The following ADAP1 variants were observed in gnomAD, a reference collection of about 807,000 sequenced individuals.
ADAP1 encodes the protein arf-GAP with dual PH domain-containing protein 1.
ADAP1 carries 31 observed loss-of-function variants against 54.9 expected under a neutral mutation model. The observed-to-expected ratio is 0.56, with a 90% confidence interval of 0.42 to 0.76. The LOEUF is 0.76. Ranked by LOEUF, ADAP1 falls within the 30% of genes least tolerant of loss-of-function variation. ADAP1 has a pLI of 0.00. For synonymous variants in ADAP1, 313 were observed against 202.6 expected, an observed-to-expected ratio of 1.55 and a Z score of -4.63; for missense variants, 535 against 512.4, an observed-to-expected ratio of 1.04 and a Z score of -0.42.
rs565195654 is a variant in ADAP1, at chr7:926,823, C to G, written c.214-179G>C. ...CCCAGGGACACCATTTCTGAGTGAT[C>G]GACCCTCCCCTGGGACAGGGAAGGA... On this transcript the variant is annotated intron_variant, in intron 2 of 10. Coordinates refer to ENST00000265846, the MANE Select transcript of ADAP1 (RefSeq NM_006869.4). This position sits in a 1 kb window ranked among gnomAD's most constrained non-coding sequence, Gnocchi z 4.6. The G allele has an allele frequency of 8.1e-6, 6 of 741,554 alleles. No homozygotes were observed. The East Asian group carries it at 1.9e-4, about 23-fold the overall frequency. The allele number at this position is 741,554 out of a possible 1,614,324, so 45.9% of individuals were successfully genotyped here.
chr7:920,857 C>A lies in ADAP1; in HGVS notation c.306-807G>T, dbSNP rs1236219689. 1.3e-6 allele frequency: 2 copies of A among 1,550,016 alleles called. No individual in the cohort carries two copies. Among genetic ancestry groups the A allele is most frequent in the Admixed American group, 3.9e-5 (2 of 50,960 alleles). ...CGGCACGGCCCAGGTGCACAGGCAG[C>A]CGCCCCAGCCTTTTCCACTCCCAGG... On this transcript the variant is annotated intron_variant, in intron 3 of 10. Coordinates refer to ENST00000265846, the MANE Select transcript of ADAP1 (RefSeq NM_006869.4). The surrounding 1 kb of genome is among the most constrained non-coding windows in gnomAD (Gnocchi z 4.5).
intron 1 of ADAP1, among the ~76,000 whole-genome samples, chr7:950,342 C>T (rs981333770): frequency 4.6e-5 from 7 of 152,114 alleles, no homozygotes; most frequent in Non-Finnish European, 7.4e-5. Context: ...AAAACTTAGC[C>T]GGGCATGGCA....
intron 8 of ADAP1, 118 bp downstream of exon 8, chr7:899,984 G>A (rs1183376782): frequency 8.1e-7 from 1 of 1,229,218 alleles, no homozygotes; most frequent in Non-Finnish European, 1.2e-6. Context: ...GGGCTGTGAG[G>A]ACCCACCAGA....
At chr7:906,755 TGGACAG>T (rs1845453104) in intron 4 of ADAP1, among the ~76,000 whole-genome samples, 523 of 22,240 alleles carry the variant, frequency 0.024, 25 homozygotes, top group Admixed American at 0.14. Context: ...ATAGGGGACA[TGGACAG>T]GGGACATGGG....
chr7:919,196 C>T (rs555273100), intron 4 of ADAP1, among the ~76,000 whole-genome samples: 12 of 152,318 alleles, frequency 7.9e-5, no homozygotes, highest in African/African-American at 2.6e-4. Flanking sequence ...CGGGGCCGCA[C>T]CCTCCCCACC....
chr7:917,730 G>A (rs1187504983), intron 4 of ADAP1, among the ~76,000 whole-genome samples: 1 of 151,954 alleles, frequency 6.6e-6, no homozygotes, highest in Non-Finnish European at 1.5e-5. Context: ...GGCCTCCCAA[G>A]GTGCTTCTTT....
At chr7:903,620 G>A (rs1195608763) in intron 6 of ADAP1, among the ~76,000 whole-genome samples, 7 of 152,104 alleles carry the variant, frequency 4.6e-5, no homozygotes, top group South Asian at 2.1e-4. Context: ...GGTTTTACCT[G>A]GGTTCCCCCC....
chr7:907,877 C>A (rs1260112693), intron 4 of ADAP1, among the ~76,000 whole-genome samples: 1 of 151,970 alleles, frequency 6.6e-6, no homozygotes, highest in Non-Finnish European at 1.5e-5. Context: ...GTGGGCGCCG[C>A]CTCTCCGGAG....
At chr7:934,397 G>C (rs1046229494) in intron 2 of ADAP1, among the ~76,000 whole-genome samples, 17 of 151,726 alleles carry the variant, frequency 1.1e-4, no homozygotes, top group Non-Finnish European at 1.8e-4. Context: ...GAGAGGGGGG[G>C]CCCAGGGTCA....
chr7:933,040 G>A (rs747171416), intron 2 of ADAP1, among the ~76,000 whole-genome samples: 1 of 152,168 alleles, frequency 6.6e-6, no homozygotes, highest in Non-Finnish European at 1.5e-5. Flanking sequence ...GGGAGGCTGA[G>A]GTGGGTGGAT....
intron 4 of ADAP1, 56 bp downstream of exon 4, chr7:919,912 G>A (rs1846118621): frequency 1.4e-6 from 2 of 1,408,920 alleles, no homozygotes; most frequent in South Asian, 1.2e-5. Context: ...GGGGGAGGGA[G>A]GGAGAGAGCC....
In ADAP1 at chr7:945,929, C is replaced by G; in HGVS notation, c.82+8467G>C. The G allele has an allele frequency of 1.7e-6, 1 of 592,396 alleles. No homozygotes were observed. Among genetic ancestry groups the G allele is most frequent in the Admixed American group, 6.3e-5 (1 of 15,844 alleles). 36.7% of individuals were successfully genotyped at this position (592,396 alleles called of 1,614,324 possible). On this transcript the variant is annotated intron_variant, in intron 1 of 10. Transcript: ENST00000265846. This position sits in a 1 kb window ranked among gnomAD's most constrained non-coding sequence, Gnocchi z 4.2. ...GGCAGGGGGAAGGGCAGTAGCCAAG[C>G]CTGTCCATGGGGCCCTGGTTCCAGA...
intron 6 of ADAP1, 55 bp downstream of exon 6, chr7:904,071 G>A (rs1455366769): frequency 6.2e-7 from 1 of 1,600,300 alleles, no homozygotes; most frequent in Non-Finnish European, 8.5e-7. Flanking sequence ...CGCCACCCGG[G>A]CCTGAGGGCC....
At chr7:906,784 CGGGGGACGGGACAGGGGACATG>C (rs1178941540) in intron 4 of ADAP1, among the ~76,000 whole-genome samples, 12,424 of 51,830 alleles carry the variant, frequency 0.24, 1,521 homozygotes, top group East Asian at 0.52. Context: ...ACAGGGGACA[CGGGGGACGGGACAGGGGACATG>C]GGGGGACATG....
At chr7:918,072 G>C (rs1164568723) in intron 4 of ADAP1, among the ~76,000 whole-genome samples, 2 of 152,164 alleles carry the variant, frequency 1.3e-5, no homozygotes, top group Non-Finnish European at 2.9e-5. Flanking sequence ...GATTACAGGT[G>C]TGCGCCAACC....
intron 7 of ADAP1, 60 bp downstream of exon 7, chr7:900,473 T>TCCCCCCC: frequency 6.7e-7 from 1 of 1,486,582 alleles, no homozygotes; most frequent in Non-Finnish European, 9.2e-7. Context: ...GAGGGCTCCG[T>TCCCCCCC]CCACCCCCCA....
intron 1 of ADAP1, among the ~76,000 whole-genome samples, chr7:936,413 G>A (rs1019752196): frequency 8.5e-5 from 13 of 152,056 alleles, no homozygotes; most frequent in African/African-American, 3.1e-4. Context: ...GGCTGGCCTC[G>A]AACTCTTGAC....
chr7:951,947 G>A (rs1315800579), intron 1 of ADAP1, among the ~76,000 whole-genome samples: 1 of 152,194 alleles, frequency 6.6e-6, no homozygotes, highest in Non-Finnish European at 1.5e-5. Flanking sequence ...GATGACAGGC[G>A]TGAGCCACCG....
rs1174740268 is a variant in ADAP1, at chr7:945,312, G to A, written c.82+9084C>T. ...TCAGAGACCCTCCAGGGTGGAAGGGGAGCTGGTCTGACGCCCCAGCAGCAG... is the reference window on the plus strand; with the variant it reads ...TCAGAGACCCTCCAGGGTGGAAGGGAAGCTGGTCTGACGCCCCAGCAGCAG... On this transcript the variant is annotated intron_variant, in intron 1 of 10. Transcript: ENST00000265846. The surrounding 1 kb of genome is among the most constrained non-coding windows in gnomAD (Gnocchi z 4.2). Among the ~76,000 whole-genome samples, 1 of 152,198 alleles carries A rather than the reference G, an allele frequency of 6.6e-6. No homozygotes were observed. Among genetic ancestry groups the A allele is most frequent in the Non-Finnish European group, 1.5e-5 (1 of 68,028 alleles).
Sources: gnomAD v4.1 joint callset for allele counts (sites outside exome capture counted in the v4.1 genomes callset) on GRCh38, gnomAD v4.1.1 for gene constraint, Gnocchi (gnomAD v3.1) non-coding constraint, MANE v1.5 for transcripts, NCBI Gene and HGNC (gene_info 2026-07-23, HGNC 2026-07-21) for gene names.